Variants in MSRA observed in about 807,000 individuals in gnomAD.
MSRA encodes mitochondrial peptide methionine sulfoxide reductase.
Under a neutral mutation model 31.3 loss-of-function variants are expected in MSRA, and 54 were observed. The ratio of observed to expected loss-of-function variants is 1.73; its 90% CI spans 1.39 to 2.17. The LOEUF is 2.17. Among genes scored for constraint, MSRA ranks in the 30% most tolerant of loss-of-function variants. The pLI is 0.00. For missense variants in MSRA, 507 were observed against 300.9 expected (o/e 1.69, Z -5.07); for synonymous variants, 169 against 116.5 (o/e 1.45, Z -2.90).
intron 5 of MSRA, among the ~76,000 whole-genome samples, chr8:10,386,439 C>G (rs553054799): frequency 6.6e-6 from 1 of 152,298 alleles, no homozygotes; most frequent in Non-Finnish European, 1.5e-5. Flanking sequence ...ATGATGTTCA[C>G]TGGAGCATCA....
intron 3 of MSRA, among the ~76,000 whole-genome samples, chr8:10,278,802 C>G (rs1426978276): frequency 2.6e-5 from 4 of 152,178 alleles, no homozygotes; most frequent in Admixed American, 6.5e-5. Flanking sequence ...TTTAGACAGT[C>G]TTTTAAAGTT....
chr8:10,144,739 C>A (rs979896982), intron 1 of MSRA, among the ~76,000 whole-genome samples: 3 of 151,972 alleles, frequency 2.0e-5, no homozygotes, highest in Non-Finnish European at 2.9e-5. Context: ...GTATCTCATG[C>A]CTTTTTTTTT....
chr8:10,324,395 C>T (rs1261482270), intron 5 of MSRA, among the ~76,000 whole-genome samples: 1 of 152,200 alleles, frequency 6.6e-6, no homozygotes, highest in African/African-American at 2.4e-5. Context: ...GCCCTCTGCT[C>T]TCACTATGGC....
intron 1 of MSRA, among the ~76,000 whole-genome samples, chr8:10,145,825 C>G (rs979631557): frequency 5.9e-5 from 9 of 151,956 alleles, no homozygotes; most frequent in African/African-American, 2.2e-4. Context: ...CCCGCATCTG[C>G]ACGTGTGTGT....
intron 1 of MSRA, among the ~76,000 whole-genome samples, chr8:10,129,345 A>G (rs148956288): frequency 6.6e-6 from 1 of 152,294 alleles, no homozygotes; most frequent in African/African-American, 2.4e-5. Flanking sequence ...TACTTGGAAA[A>G]TGGACTTGAC....
At chr8:10,327,069 G>C (rs1029186531) in intron 5 of MSRA, among the ~76,000 whole-genome samples, 2 of 152,148 alleles carry the variant, frequency 1.3e-5, no homozygotes, top group Non-Finnish European at 2.9e-5. Context: ...TGCTTTCTCT[G>C]GGTATTTCTC....
At chr8:10,261,252 A>G (rs943001864) in intron 3 of MSRA, among the ~76,000 whole-genome samples, 9 of 152,214 alleles carry the variant, frequency 5.9e-5, no homozygotes, top group Admixed American at 5.2e-4. Flanking sequence ...TTTAGTATAT[A>G]CATTTGTGTT....
intron 2 of MSRA, among the ~76,000 whole-genome samples, chr8:10,216,755 T>G (rs1195382811): frequency 1.3e-5 from 2 of 152,238 alleles, no homozygotes; most frequent in Non-Finnish European, 2.9e-5. Context: ...GAAAATTTCC[T>G]TCTTATCCCA....
At chr8:10,192,885 A>G (rs1807634588) in intron 1 of MSRA, among the ~76,000 whole-genome samples, 1 of 152,240 alleles carries the variant, frequency 6.6e-6, no homozygotes, top group African/African-American at 2.4e-5. Context: ...TGGTTTCTAA[A>G]TCTCAGACAC....
At chr8:10,374,898 C>T (rs916268786) in intron 5 of MSRA, among the ~76,000 whole-genome samples, 7 of 152,120 alleles carry the variant, frequency 4.6e-5, no homozygotes, top group Non-Finnish European at 1.0e-4. Flanking sequence ...AGTTCTCACC[C>T]AGTTCATGCA....
chr8:10,106,045 A>G (rs1004157395), intron 1 of MSRA, among the ~76,000 whole-genome samples: 1 of 152,228 alleles, frequency 6.6e-6, no homozygotes, highest in African/African-American at 2.4e-5. Context: ...CCACAATCCT[A>G]TAGGAACCCT....
intron 5 of MSRA, among the ~76,000 whole-genome samples, chr8:10,388,808 C>G (rs373716659): frequency 6.6e-6 from 1 of 151,896 alleles, no homozygotes; most frequent in East Asian, 1.9e-4. Flanking sequence ...GGATGTTGAC[C>G]GGCATCGCTG....
chr8:10,344,574 C>CA lies in MSRA; in HGVS notation c.543+24614dup, dbSNP rs56843505. ...TGGGTGACAGAGGGAGACTCCGTCT[C>CA]AAAAAAAAAAAAAAAAAAAAAAAAA... On this transcript the variant is annotated intron_variant, in intron 5 of 5. Coordinates refer to ENST00000317173, the MANE Select transcript of MSRA (RefSeq NM_012331.5). Among the ~76,000 whole-genome samples, 603 of 64,646 alleles carry CA rather than the reference C, an allele frequency of 9.3e-3. 66 individuals are homozygous for CA. Among genetic ancestry groups the CA allele is most frequent in the East Asian group, 0.053 (61 of 1,142 alleles). 42.4% of individuals were successfully genotyped at this position (64,646 alleles called of 152,430 possible).
Position 10,104,488 on chromosome 8 carries a change from A to G in MSRA, c.142+49830A>G, listed in dbSNP as rs114172507. Among the ~76,000 whole-genome samples the G allele has an allele frequency of 5.8e-3, 883 of 152,222 alleles. 7 individuals are homozygous for G. Among genetic ancestry groups the G allele is most frequent in the African/African-American group, 0.02 (844 of 41,546 alleles). On this transcript the variant is annotated intron_variant, in intron 1 of 5. Coordinates refer to ENST00000317173, the MANE Select transcript of MSRA (RefSeq NM_012331.5). ...TGGTTTGATCTGGAAGGGCAGGACA[A>G]CTTGAATCAGGGGCTTCTAGGTCAT...
At chr8:10,213,183 C>T (rs1016650429) in intron 2 of MSRA, among the ~76,000 whole-genome samples, 6 of 152,120 alleles carry the variant, frequency 3.9e-5, no homozygotes, top group African/African-American at 1.2e-4. Flanking sequence ...CCACCTTCTC[C>T]TGTACCCCTA....
At chr8:10,157,163 T>A (rs1442437365) in intron 1 of MSRA, among the ~76,000 whole-genome samples, 1 of 152,152 alleles carries the variant, frequency 6.6e-6, no homozygotes, top group Admixed American at 6.5e-5. Flanking sequence ...TGCCTGGAAA[T>A]AAACCATTTT....
intron 1 of MSRA, among the ~76,000 whole-genome samples, chr8:10,185,648 C>T (rs1806973430): frequency 6.6e-6 from 1 of 152,170 alleles, no homozygotes; most frequent in Admixed American, 6.5e-5. Flanking sequence ...AGATGGTTCT[C>T]TGTGATCTTC....
At chr8:10,116,907 G>A (rs1408196542) in intron 1 of MSRA, among the ~76,000 whole-genome samples, 12 of 152,096 alleles carry the variant, frequency 7.9e-5, no homozygotes, top group Admixed American at 5.2e-4. Flanking sequence ...TGGAGGTTGC[G>A]GTGAGCCAAG....
intron 1 of MSRA, among the ~76,000 whole-genome samples, chr8:10,146,707 AT>A (rs1230744199): frequency 6.1e-4 from 93 of 152,088 alleles, no homozygotes; most frequent in African/African-American, 2.0e-3. Flanking sequence ...TGAAGGTGTT[AT>A]TTTAAAAAAA....
Sources: gnomAD v4.1 joint callset for allele counts (sites outside exome capture counted in the v4.1 genomes callset) on GRCh38, gnomAD v4.1.1 for gene constraint, MANE v1.5 for transcripts, NCBI Gene and HGNC (gene_info 2026-07-23, HGNC 2026-07-21) for gene names.